Variants in INTS2 observed in about 807,000 individuals in gnomAD.
INTS2 encodes KIAA1287.
Under a neutral mutation model 139.6 loss-of-function variants are expected in INTS2, and 57 were observed. The observed-to-expected ratio is 0.41, with a 90% CI of 0.33 to 0.51. INTS2 has a LOEUF of 0.51. Ranked by LOEUF, INTS2 falls within the 20% of genes least tolerant of loss-of-function variation. INTS2 has a pLI of 0.28. For synonymous variants in INTS2, 473 were observed against 493.4 expected (o/e 0.96, Z 0.55); for missense variants, 1,196 against 1,436.7 (o/e 0.83, Z 2.71).
chr17:61,895,302 T>A lies in INTS2; in HGVS notation c.1563+13A>T. The stretch of plus-strand genomic sequence containing the variant: ...AGAAAGTTAAATAAGTACCTAAGAA[T>A]AAAAAGAAATACCTGCTCAGTAAAA... On this transcript the variant is annotated intron_variant, in intron 12 of 24. Transcript: ENST00000251334. 1 of 1,504,048 alleles carries A rather than the reference T, an allele frequency of 6.6e-7. No homozygotes were observed. Among genetic ancestry groups the A allele is most frequent in the Non-Finnish European group, 9.0e-7 (1 of 1,108,836 alleles). 93.2% of individuals were successfully genotyped at this position (1,504,048 alleles called of 1,614,324 possible).
intron 12 of INTS2, among the ~76,000 whole-genome samples, chr17:61,894,379 T>C (rs954458584): frequency 1.3e-5 from 2 of 152,218 alleles, no homozygotes; most frequent in Non-Finnish European, 1.5e-5. Context: ...GCTCTAATCG[T>C]CTTTTAAAGA....
intron 5 of INTS2, among the ~76,000 whole-genome samples, chr17:61,915,472 G>A (rs565724106): frequency 4.7e-4 from 71 of 151,230 alleles, no homozygotes; most frequent in African/African-American, 1.6e-3. Flanking sequence ...GTTGCAGTGC[G>A]CCGAGATTGC....
intron 15 of INTS2, among the ~76,000 whole-genome samples, chr17:61,886,791 TTACAAAC>T (rs1390387782): frequency 6.6e-6 from 1 of 152,210 alleles, no homozygotes; most frequent in Admixed American, 6.5e-5. Context: ...GTTTATTCTC[TTACAAAC>T]TACAAACAGT....
chr17:61,904,088 T>C lies in INTS2; in HGVS notation c.1307+372A>G, dbSNP rs141497869. On this transcript the variant is annotated intron_variant, in intron 9 of 24. Transcript: ENST00000251334. ...GAACTATTTCGACTTATTTAAACAA[T>C]GTACATATATAAGATAAATAAAATG... is the stretch of plus-strand genomic sequence containing the variant. 3.2e-3 allele frequency among the ~76,000 whole-genome samples: 485 copies of C among 152,280 alleles called. 7 individuals are homozygous for C. The highest frequency in any genetic ancestry group is 5.2e-3 in the East Asian group (27 of 5,186).
chr17:61,898,435 C>T (rs972152384), intron 9 of INTS2, among the ~76,000 whole-genome samples: 8 of 152,076 alleles, frequency 5.3e-5, no homozygotes, highest in African/African-American at 1.2e-4. Flanking sequence ...GTTGGGACTA[C>T]AGGCATGCGC....
chr17:61,890,591 C>A (rs1348579104), intron 14 of INTS2, among the ~76,000 whole-genome samples: 21 of 139,328 alleles, frequency 1.5e-4, no homozygotes, highest in Non-Finnish European at 1.5e-5. Context: ...GTCGGGGCAA[C>A]AGAGTGAGAC....
At position 61,871,915 on chromosome 17, in the gene INTS2, CAG is replaced by C. The variant is rs1365115883; in HGVS notation, c.2778+348_2778+349del. On this transcript the variant is annotated intron_variant, in intron 20 of 24. Transcript: ENST00000251334. The surrounding 1 kb of genome is among the most constrained non-coding windows in gnomAD (Gnocchi z 4.9). ...CACCTCTGCACTCCAGCCTGGGTGA[CAG>C]GGCGAAACTCTGTCTCAAAAAACAA... is the stretch of plus-strand genomic sequence containing the variant. 1 of 157,394 alleles carries C rather than the reference CAG, an allele frequency of 6.4e-6. No homozygotes were observed. Among genetic ancestry groups the C allele is most frequent in the East Asian group, 1.8e-4 (1 of 5,582 alleles). 9.7% of individuals were successfully genotyped at this position (157,394 alleles called of 1,614,324 possible). A position where few individuals can be genotyped will look rare whatever the true frequency, so the allele number is the denominator to read the frequency against.
chr17:61,922,360 C>T (rs982707195), intron 3 of INTS2, among the ~76,000 whole-genome samples: 14 of 100,546 alleles, frequency 1.4e-4, no homozygotes, highest in South Asian at 4.4e-4. Flanking sequence ...CTTAGCTACT[C>T]AGGAGGCTGA....
chr17:61,891,456 A>C (rs1030642822), intron 14 of INTS2, 57 bp downstream of exon 14: 2 of 1,308,426 alleles, frequency 1.5e-6, no homozygotes, highest in Non-Finnish European at 2.2e-6. Context: ...ATATGGGTTA[A>C]GTAAGAAGAA....
chr17:61,895,308 G>A lies in INTS2; in HGVS notation c.1563+7C>T, dbSNP rs775880207. The A allele has an allele frequency of 4.6e-6, 7 of 1,535,960 alleles. No individual in the cohort carries two copies. The East Asian group carries it at 1.7e-4, about 37-fold the overall frequency. On this transcript the variant is annotated splice_region_variant and intron_variant, in intron 12 of 24. Transcript: ENST00000251334. ...TTAAATAAGTACCTAAGAATAAAAAGAAATACCTGCTCAGTAAAAATTTCC... is the reference window on the plus strand; with the variant it reads ...TTAAATAAGTACCTAAGAATAAAAAAAAATACCTGCTCAGTAAAAATTTCC...
intron 7 of INTS2, among the ~76,000 whole-genome samples, chr17:61,908,350 G>A (rs2079488237): frequency 6.6e-6 from 1 of 152,140 alleles, no homozygotes; most frequent in South Asian, 2.1e-4. Flanking sequence ...AGGAGGCGGA[G>A]GTTACAATGA....
chr17:61,893,362 T>C lies in INTS2; in HGVS notation c.1698+403A>G, dbSNP rs528749598. Among the ~76,000 whole-genome samples the C allele has an allele frequency of 2.6e-5, 4 of 152,128 alleles. No individual in the cohort carries two copies. Among genetic ancestry groups the C allele is most frequent in the Non-Finnish European group, 1.5e-5 (1 of 67,998 alleles). On this transcript the variant is annotated intron_variant, in intron 13 of 24. Transcript: ENST00000251334. This position sits in a 1 kb window ranked among gnomAD's most constrained non-coding sequence, Gnocchi z 5.4. ...CACAATAAATGCCTACAAACTGAAA[T>C]ACAACTGGGGAGAAAGCATTAATTT...
chr17:61,877,838 A>G (rs2079138903), intron 18 of INTS2, 49 bp downstream of exon 18: 1 of 1,451,494 alleles, frequency 6.9e-7, no homozygotes, highest in Non-Finnish European at 9.6e-7. Flanking sequence ...ATTGTATATT[A>G]TCCCTGCTAT....
Position 61,875,758 on chromosome 17 carries a change from T to C in INTS2, c.2457-720A>G, listed in dbSNP as rs912702641. Among the ~76,000 whole-genome samples, 1 of 151,884 alleles carries C rather than the reference T, an allele frequency of 6.6e-6. No homozygotes were observed. On this transcript the variant is annotated intron_variant, in intron 18 of 24. Coordinates refer to ENST00000251334, the MANE Select transcript of INTS2 (RefSeq NM_001351695.2). This position sits in a 1 kb window ranked among gnomAD's most constrained non-coding sequence, Gnocchi z 4.6. Reference sequence around the variant, plus strand: ...GAACTCCAAACAGAAAATGTAGGGATAAGGAGAAAAAAAATTTTCGAACTA... The same window carrying C: ...GAACTCCAAACAGAAAATGTAGGGACAAGGAGAAAAAAAATTTTCGAACTA...
At chr17:61,901,669 G>A (rs982799779) in intron 9 of INTS2, among the ~76,000 whole-genome samples, 4 of 133,396 alleles carry the variant, frequency 3.0e-5, no homozygotes, top group South Asian at 2.4e-4. Context: ...GCGCAATCTC[G>A]GCTCACTGCA....
rs765676529 is a variant in INTS2, at chr17:61,925,033, T to C, written c.360A>G (p.Leu120=). Reference sequence around the variant, plus strand: ...GAGGTGAATCACTGTGTTCAAACTCTAACGTCAGTCCATGCTGAAGCTGTG... The same window carrying C: ...GAGGTGAATCACTGTGTTCAAACTCCAACGTCAGTCCATGCTGAAGCTGTG... ...LVSQLQHGLT[L]EFEHSDSPRR... Residue 120 remains leucine (L), a synonymous_variant, in exon 3 of 25, where the codon TTA becomes TTG. Transcript: ENST00000251334. 27 of 1,613,832 alleles carry C rather than the reference T, an allele frequency of 1.7e-5. No homozygotes were observed. The African/African-American group carries it at 2.7e-4, about 16-fold the overall frequency.
intron 9 of INTS2, among the ~76,000 whole-genome samples, chr17:61,901,452 T>A (rs1020182769): frequency 4.6e-5 from 7 of 150,900 alleles, no homozygotes; most frequent in Non-Finnish European, 1.0e-4. Flanking sequence ...AATTATGCTA[T>A]AATGAACCAA....
At position 61,868,893 on chromosome 17, in the gene INTS2, T is replaced by C. The variant is rs569517714; in HGVS notation, c.3244+141A>G. On this transcript the variant is annotated intron_variant, in intron 23 of 24. Coordinates refer to ENST00000251334, the MANE Select transcript of INTS2 (RefSeq NM_001351695.2). The surrounding 1 kb of genome is among the most constrained non-coding windows in gnomAD (Gnocchi z 4.7). Reference sequence around the variant, plus strand: ...CAAAAGAAGAATTCAAAAGACGGCATAAGTTAAACTAGTATTTAACACATA... The same window carrying C: ...CAAAAGAAGAATTCAAAAGACGGCACAAGTTAAACTAGTATTTAACACATA... 1.3e-5 allele frequency: 7 copies of C among 557,430 alleles called. No individual in the cohort carries two copies. The East Asian group carries it at 1.5e-4, about 12-fold the overall frequency. 34.5% of individuals were successfully genotyped at this position (557,430 alleles called of 1,614,324 possible).
At chr17:61,901,839 C>T (rs761655900) in intron 9 of INTS2, among the ~76,000 whole-genome samples, 27 of 151,996 alleles carry the variant, frequency 1.8e-4, no homozygotes, top group Non-Finnish European at 3.7e-4. Context: ...CTCAGGTGAT[C>T]CACCTGCCTC....
Sources: allele counts gnomAD v4.1 joint callset (sites outside exome capture counted in the v4.1 genomes callset), GRCh38; gene constraint gnomAD v4.1.1; non-coding constraint Gnocchi (gnomAD v3.1); transcripts MANE v1.5; gene names NCBI Gene and HGNC (gene_info 2026-07-23, HGNC 2026-07-21).